Variants in TMEM135 observed in about 807,000 individuals in gnomAD.
The protein encoded by TMEM135 is transmembrane protein 135, also known as peroxisomal membrane protein 52.
TMEM135 carries 30 observed loss-of-function variants against 60.3 expected under a neutral mutation model. That is an observed-to-expected ratio of 0.50 (90% CI 0.37 to 0.68). TMEM135 has a LOEUF of 0.68. TMEM135 is among the 30% of genes least tolerant of loss of function. The pLI, the probability that TMEM135 is intolerant of heterozygous loss-of-function variation, is 0.00. For synonymous variants in TMEM135, 190 were observed against 186.7 expected (o/e 1.02, Z -0.14); for missense variants, 468 against 548.8 (o/e 0.85, Z 1.47).
At position 87,313,406 on chromosome 11, in the gene TMEM135, G is replaced by A. The variant is rs1384112968; in HGVS notation, c.937-19G>A. ...TAGAAATAAAATAACTGAAGTCATTGTATTTTCTCCTTAACTAGGGTACTA... is the reference window on the plus strand; with the variant it reads ...TAGAAATAAAATAACTGAAGTCATTATATTTTCTCCTTAACTAGGGTACTA... On this transcript the variant is annotated intron_variant, in intron 10 of 14. Transcript: ENST00000305494. 6.3e-7 allele frequency: 1 copy of A among 1,592,236 alleles called. No homozygotes were observed.
intron 5 of TMEM135, among the ~76,000 whole-genome samples, chr11:87,191,652 A>G (rs957031640): frequency 6.6e-6 from 1 of 152,198 alleles, no homozygotes; most frequent in Non-Finnish European, 1.5e-5. Flanking sequence ...TAAAACCACG[A>G]TGATCATCAT....
chr11:87,318,166 G>A lies in TMEM135; in HGVS notation c.1107G>A (p.Gly369=). 6.2e-7 allele frequency: 1 copy of A among 1,612,900 alleles called. No homozygotes were observed. The highest frequency in any genetic ancestry group is 1.1e-5 in the South Asian group (1 of 91,078). ...ETMYFKGIEA[G]KVPYFPHADT... is the part of the protein sequence containing the mutation. ...TGTATTTCAAAGGCATTGAAGCAGGGAAGGTTCCCTATTTTCCTCATGCAG... is the reference window on the plus strand; with the variant it reads ...TGTATTTCAAAGGCATTGAAGCAGGAAAGGTTCCCTATTTTCCTCATGCAG... The change falls in exon 13 of 15, where the codon GGG becomes GGA. Residue 369 remains glycine (G), a synonymous_variant. Coordinates refer to ENST00000305494, the MANE Select transcript of TMEM135 (RefSeq NM_022918.4).
At chr11:87,211,352 G>A (rs1310020077) in intron 5 of TMEM135, among the ~76,000 whole-genome samples, 1 of 152,146 alleles carries the variant, frequency 6.6e-6, no homozygotes, top group Non-Finnish European at 1.5e-5. Flanking sequence ...TAATAGCAGA[G>A]CTGTCATTGT....
intron 4 of TMEM135, among the ~76,000 whole-genome samples, chr11:87,155,201 G>A (rs933985697): frequency 2.0e-5 from 3 of 152,124 alleles, no homozygotes; most frequent in South Asian, 2.1e-4. Flanking sequence ...GTTTCACCAC[G>A]TTGGCCAGGC....
At chr11:87,257,160 T>C (rs1407545095) in intron 6 of TMEM135, among the ~76,000 whole-genome samples, 1 of 152,220 alleles carries the variant, frequency 6.6e-6, no homozygotes, top group Non-Finnish European at 1.5e-5. Flanking sequence ...TTGCATGCTG[T>C]CTGCTTCTTG....
intron 4 of TMEM135, among the ~76,000 whole-genome samples, chr11:87,134,509 G>T (rs1197221621): frequency 6.6e-6 from 1 of 152,160 alleles, no homozygotes; most frequent in African/African-American, 2.4e-5. Flanking sequence ...TAGAGACAGG[G>T]TCTTGCTCTA....
At chr11:87,079,932 C>T (rs1325695347) in intron 3 of TMEM135, among the ~76,000 whole-genome samples, 3 of 147,860 alleles carry the variant, frequency 2.0e-5, no homozygotes, top group Non-Finnish European at 4.5e-5. Flanking sequence ...ACCTCTGCCT[C>T]GTGGGTTCAA....
intron 5 of TMEM135, among the ~76,000 whole-genome samples, chr11:87,203,136 C>A (rs1940158016): frequency 6.6e-6 from 1 of 151,688 alleles, no homozygotes; most frequent in Non-Finnish European, 1.5e-5. Context: ...ACATTCATAC[C>A]CTCCCCCATT....
At chr11:87,247,185 A>G (rs1322703155) in intron 6 of TMEM135, among the ~76,000 whole-genome samples, 2 of 152,054 alleles carry the variant, frequency 1.3e-5, no homozygotes, top group Non-Finnish European at 2.9e-5. Flanking sequence ...TGAACCATGA[A>G]TGCTGATGTC....
intron 6 of TMEM135, among the ~76,000 whole-genome samples, chr11:87,252,153 C>G (rs944425607): frequency 1.3e-5 from 2 of 152,074 alleles, no homozygotes; most frequent in Non-Finnish European, 2.9e-5. Context: ...CCTTCTCTCT[C>G]TTTCTTAGAC....
intron 6 of TMEM135, among the ~76,000 whole-genome samples, chr11:87,274,506 C>A (rs934154577): frequency 6.6e-6 from 1 of 152,118 alleles, no homozygotes; most frequent in Non-Finnish European, 1.5e-5. Flanking sequence ...TTCAGAAAGA[C>A]TAAAATATGC....
chr11:87,227,724 G>T (rs1940795346), intron 5 of TMEM135, among the ~76,000 whole-genome samples: 1 of 152,054 alleles, frequency 6.6e-6, no homozygotes, highest in African/African-American at 2.4e-5. Flanking sequence ...TTTTGACTTT[G>T]AACACACATT....
At chr11:87,230,626 C>T (rs1940870452) in intron 5 of TMEM135, among the ~76,000 whole-genome samples, 2 of 151,872 alleles carry the variant, frequency 1.3e-5, no homozygotes, top group South Asian at 4.1e-4. Flanking sequence ...TATATATGTG[C>T]AGATGTATAC....
intron 4 of TMEM135, among the ~76,000 whole-genome samples, chr11:87,125,418 C>T (rs145912668): frequency 9.2e-5 from 14 of 152,236 alleles, no homozygotes; most frequent in Non-Finnish European, 2.1e-4. Flanking sequence ...ACATTGAGTA[C>T]ACTCCGAATG....
chr11:87,064,280 A>G (rs939591661), intron 1 of TMEM135, among the ~76,000 whole-genome samples: 4 of 147,024 alleles, frequency 2.7e-5, no homozygotes, highest in Admixed American at 2.1e-4. Context: ...TTTTTTTTAC[A>G]CAAAGTATTG....
At chr11:87,137,994 A>G (rs1043031402) in intron 4 of TMEM135, among the ~76,000 whole-genome samples, 1 of 152,098 alleles carries the variant, frequency 6.6e-6, no homozygotes, top group African/African-American at 2.4e-5. Context: ...AACCGCTGTT[A>G]AGGTCCATTG....
At chr11:87,059,269 T>C (rs1386239350) in intron 1 of TMEM135, among the ~76,000 whole-genome samples, 2 of 151,430 alleles carry the variant, frequency 1.3e-5, no homozygotes, top group Non-Finnish European at 2.9e-5. Context: ...CTTTTGATTA[T>C]GGATGAATAT....
At chr11:87,046,076 A>G (rs1431952873) in intron 1 of TMEM135, among the ~76,000 whole-genome samples, 1 of 152,210 alleles carries the variant, frequency 6.6e-6, no homozygotes, top group Non-Finnish European at 1.5e-5. Flanking sequence ...ACAGATAAAA[A>G]TAAAAGTAAA....
chr11:87,236,289 G>A (rs1940993685), intron 5 of TMEM135, among the ~76,000 whole-genome samples: 1 of 151,650 alleles, frequency 6.6e-6, no homozygotes, highest in Non-Finnish European at 1.5e-5. Flanking sequence ...GCTTTTCTGG[G>A]CCACATTGGA....
Sources: allele counts gnomAD v4.1 joint callset (sites outside exome capture counted in the v4.1 genomes callset), GRCh38; gene constraint gnomAD v4.1.1; transcripts MANE v1.5; gene names NCBI Gene and HGNC (gene_info 2026-07-23, HGNC 2026-07-21).